The following ZFPM2 variants were observed in gnomAD, a reference collection of about 807,000 sequenced individuals.
ZFPM2 encodes the protein zinc finger protein, FOG family member 2.
In ZFPM2, 20 loss-of-function variants were observed where a neutral mutation model predicts 98.6. That is an observed-to-expected ratio of 0.20 (90% confidence interval 0.14 to 0.29). The LOEUF (loss-of-function observed/expected upper bound fraction) is 0.29, where lower values mean the gene tolerates loss of function less well. ZFPM2 is among the 10% of genes least tolerant of loss of function. ZFPM2 has a pLI of 1.00. For synonymous variants in ZFPM2, 518 were observed against 502.7 expected, an observed-to-expected ratio of 1.03 and a Z score of -0.41; for missense variants, 1,310 against 1,388.6, an observed-to-expected ratio of 0.94 and a Z score of 0.90.
intron 4 of ZFPM2, among the ~76,000 whole-genome samples, chr8:105,566,802 C>T (rs767606968): frequency 4.6e-5 from 7 of 152,122 alleles, no homozygotes; most frequent in Non-Finnish European, 1.0e-4. Context: ...GTAAACTCAT[C>T]GCAACCTGTT....
chr8:105,475,782 G>A (rs1813002036), intron 3 of ZFPM2, among the ~76,000 whole-genome samples: 1 of 152,138 alleles, frequency 6.6e-6, no homozygotes, highest in Admixed American at 6.5e-5. Context: ...TATTGATATA[G>A]AGAAATGTTT....
At chr8:105,671,851 C>A (rs998971635) in intron 5 of ZFPM2, among the ~76,000 whole-genome samples, 1 of 151,980 alleles carries the variant, frequency 6.6e-6, no homozygotes, top group African/African-American at 2.4e-5. Flanking sequence ...AAAACTGAAG[C>A]CCAGAGAGAC....
At chr8:105,538,611 G>A (rs1479377654) in intron 3 of ZFPM2, among the ~76,000 whole-genome samples, 3 of 152,054 alleles carry the variant, frequency 2.0e-5, no homozygotes, top group Middle Eastern at 3.4e-3. Context: ...AACATTATCC[G>A]TGACTTTATT....
intron 1 of ZFPM2, among the ~76,000 whole-genome samples, chr8:105,333,750 A>T (rs1215874489): frequency 2.0e-5 from 3 of 151,690 alleles, no homozygotes; most frequent in African/African-American, 7.3e-5. Context: ...GGTAAGACAG[A>T]TGTGTTCATG....
At position 105,551,892 on chromosome 8, in the gene ZFPM2, G is replaced by C. The variant is rs1056048127; in HGVS notation, c.302-9471G>C. On this transcript the variant is annotated intron_variant, in intron 3 of 7. Coordinates refer to ENST00000407775, the MANE Select transcript of ZFPM2 (RefSeq NM_012082.4). ...AGATATCAAGCTAACACAGGATCTA[G>C]CACGTCTACAAACAAACAAGTATAT... Among the ~76,000 whole-genome samples, 10 of 152,110 alleles carry C rather than the reference G, an allele frequency of 6.6e-5. 1 individual carries two copies. Among genetic ancestry groups the C allele is most frequent in the Admixed American group, 5.9e-4 (9 of 15,268 alleles).
intron 2 of ZFPM2, among the ~76,000 whole-genome samples, chr8:105,441,714 A>G (rs1812255368): frequency 6.6e-6 from 1 of 152,056 alleles, no homozygotes; most frequent in Non-Finnish European, 1.5e-5. Context: ...CAGTACTTAC[A>G]TGTATGTAGG....
intron 3 of ZFPM2, among the ~76,000 whole-genome samples, chr8:105,546,583 A>AAAC (rs544659193): frequency 0.079 from 11,819 of 149,792 alleles, 662 homozygotes; most frequent in African/African-American, 0.16. Context: ...AAAAAAAAAA[A>AAAC]ACAAACCCAA....
At chr8:105,322,044 C>T (rs778607483) in intron 1 of ZFPM2, among the ~76,000 whole-genome samples, 1 of 152,088 alleles carries the variant, frequency 6.6e-6, no homozygotes, top group Non-Finnish European at 1.5e-5. Context: ...GCCCTCCCCT[C>T]AGAAGCTTTC....
chr8:105,541,612 G>A (rs1274137709), intron 3 of ZFPM2, among the ~76,000 whole-genome samples: 2 of 152,144 alleles, frequency 1.3e-5, no homozygotes, highest in Non-Finnish European at 2.9e-5. Flanking sequence ...ACTTGTAGGT[G>A]TACACCTAAG....
At chr8:105,492,454 A>C (rs2130436486) in intron 3 of ZFPM2, among the ~76,000 whole-genome samples, 1 of 152,296 alleles carries the variant, frequency 6.6e-6, no homozygotes, top group South Asian at 2.1e-4. Flanking sequence ...TTTGTACAAA[A>C]TGCTTAGACA....
chr8:105,480,909 C>T (rs1813102236), intron 3 of ZFPM2, among the ~76,000 whole-genome samples: 1 of 152,064 alleles, frequency 6.6e-6, no homozygotes. Flanking sequence ...CGCCACCATG[C>T]TCAGCTAATT....
chr8:105,417,547 C>G (rs1221900120), intron 1 of ZFPM2, among the ~76,000 whole-genome samples: 1 of 152,038 alleles, frequency 6.6e-6, no homozygotes, highest in African/African-American at 2.4e-5. Context: ...TTAGACTTAG[C>G]ATTAATAATT....
intron 4 of ZFPM2, among the ~76,000 whole-genome samples, chr8:105,568,258 A>C (rs1320257326): frequency 6.6e-6 from 1 of 152,100 alleles, no homozygotes; most frequent in African/African-American, 2.4e-5. Flanking sequence ...ACAGTCACAA[A>C]GAGAGTTTAT....
At chr8:105,334,811 G>T (rs973272138) in intron 1 of ZFPM2, among the ~76,000 whole-genome samples, 2 of 151,352 alleles carry the variant, frequency 1.3e-5, no homozygotes, top group Non-Finnish European at 3.0e-5. Flanking sequence ...ATTGGCCCTG[G>T]GCCCAATGTG....
At chr8:105,339,376 A>G (rs925772400) in intron 1 of ZFPM2, among the ~76,000 whole-genome samples, 2 of 151,920 alleles carry the variant, frequency 1.3e-5, no homozygotes, top group Admixed American at 6.6e-5. Context: ...GGCAAAAGGT[A>G]AAAAAGAAAC....
intron 5 of ZFPM2, among the ~76,000 whole-genome samples, chr8:105,645,997 G>A (rs1415410702): frequency 6.9e-6 from 1 of 145,938 alleles, no homozygotes; most frequent in Admixed American, 6.9e-5. Context: ...AGGTTGCAGT[G>A]AGCCGAGATC....
intron 2 of ZFPM2, among the ~76,000 whole-genome samples, chr8:105,425,579 G>A (rs1021934065): frequency 3.9e-5 from 6 of 152,162 alleles, no homozygotes; most frequent in Admixed American, 1.3e-4. Flanking sequence ...TTTCATCATC[G>A]TACTCAACTT....
intron 1 of ZFPM2, among the ~76,000 whole-genome samples, chr8:105,320,189 C>T (rs1811996358): frequency 6.6e-6 from 1 of 150,746 alleles, no homozygotes; most frequent in Non-Finnish European, 1.5e-5. Context: ...TAAATCTTAT[C>T]AATCAACTTG....
chr8:105,535,085 C>T (rs1157726011), intron 3 of ZFPM2, among the ~76,000 whole-genome samples: 1 of 152,158 alleles, frequency 6.6e-6, no homozygotes, highest in Non-Finnish European at 1.5e-5. Context: ...CATATGAAGG[C>T]ATATCATTGG....
Sources: allele counts gnomAD v4.1 joint callset (sites outside exome capture counted in the v4.1 genomes callset), GRCh38; gene constraint gnomAD v4.1.1; transcripts MANE v1.5; gene names NCBI Gene and HGNC (gene_info 2026-07-23, HGNC 2026-07-21).